ARID4A: variants seen among roughly 807,000 people sequenced by gnomAD.
ARID4A encodes AT-rich interactive domain-containing protein 4A.
ARID4A carries 39 observed loss-of-function variants against 148.6 expected under a neutral mutation model. The observed-to-expected ratio is 0.26, with a 90% CI of 0.20 to 0.34. The LOEUF is 0.34. Among genes scored for constraint, ARID4A ranks in the 10% least tolerant of loss-of-function variants. The pLI is 1.00. For synonymous variants in ARID4A, 475 were observed against 481.2 expected (o/e 0.99, Z 0.17); for missense variants, 1,265 against 1,449.1 (o/e 0.87, Z 2.06).
At chr14:58,354,788 A>G (rs773880816) in intron 17 of ARID4A, among the ~76,000 whole-genome samples, 1 of 152,204 alleles carries the variant, frequency 6.6e-6, no homozygotes, top group Non-Finnish European at 1.5e-5. Flanking sequence ...CTTATCTAGA[A>G]GGAGAGACAG....
At chr14:58,369,614 CAAA>C (rs34289804) in intron 23 of ARID4A, among the ~76,000 whole-genome samples, 1 of 106,928 alleles carries the variant, frequency 9.4e-6, no homozygotes, top group African/African-American at 3.8e-5. Context: ...GAGTCTGTCT[CAAA>C]AAAAAAAAAA....
chr14:58,320,849 T>C (rs2032839144), intron 7 of ARID4A, among the ~76,000 whole-genome samples: 1 of 151,982 alleles, frequency 6.6e-6, no homozygotes, highest in African/African-American at 2.4e-5. Flanking sequence ...CCTCGTGATC[T>C]GCCCGCCTCG....
intron 12 of ARID4A, among the ~76,000 whole-genome samples, chr14:58,345,028 A>T (rs960820218): frequency 6.6e-6 from 1 of 151,986 alleles, no homozygotes; most frequent in Non-Finnish European, 1.5e-5. Context: ...ACGTGCCACC[A>T]TACCCAGCTA....
chr14:58,367,667 C>G (rs983798219), intron 23 of ARID4A, among the ~76,000 whole-genome samples: 19 of 152,304 alleles, frequency 1.2e-4, no homozygotes, highest in Middle Eastern at 3.4e-3. Context: ...TGAGCTAGCC[C>G]TTCGGGGGTT....
chr14:58,304,333 C>T (rs1465807081), intron 3 of ARID4A, among the ~76,000 whole-genome samples: 3 of 152,092 alleles, frequency 2.0e-5, no homozygotes, highest in African/African-American at 7.2e-5. Context: ...AAAATTAATA[C>T]AATGATTGTT....
intron 11 of ARID4A, among the ~76,000 whole-genome samples, chr14:58,343,798 C>T (rs532295067): frequency 2.0e-5 from 3 of 151,800 alleles, no homozygotes; most frequent in Admixed American, 2.0e-4. Context: ...CCATTACACT[C>T]CAGCCTAGGC....
At chr14:58,321,930 G>A (rs1262523275) in intron 7 of ARID4A, among the ~76,000 whole-genome samples, 1 of 149,844 alleles carries the variant, frequency 6.7e-6, no homozygotes, top group Non-Finnish European at 1.5e-5. Flanking sequence ...ATAATGTATA[G>A]AATTTTCTTT....
intron 7 of ARID4A, 57 bp from the exon 8 acceptor site, chr14:58,323,428 C>T: frequency 1.3e-6 from 2 of 1,562,282 alleles, no homozygotes; most frequent in Non-Finnish European, 1.8e-6. Context: ...ATTCACAATA[C>T]TCTGTATCAA....
intron 14 of ARID4A, 109 bp downstream of exon 14, chr14:58,347,226 T>G: frequency 1.7e-6 from 1 of 584,880 alleles, no homozygotes. Context: ...TTAGAGAAAG[T>G]ATATAAAAAG....
At chr14:58,348,647 G>C (rs2140236881) in intron 15 of ARID4A, among the ~76,000 whole-genome samples, 1 of 152,196 alleles carries the variant, frequency 6.6e-6, no homozygotes, top group Non-Finnish European at 1.5e-5. Context: ...GAAAGAGAAA[G>C]GAATTTACCA....
rs1230813449 is a variant in ARID4A, at chr14:58,347,088, T to C, written c.1143T>C (p.Ala381=). The C allele has an allele frequency of 1.4e-5, 22 of 1,585,214 alleles. No individual in the cohort carries two copies. Among genetic ancestry groups the C allele is most frequent in the Non-Finnish European group, 1.8e-5 (21 of 1,165,396 alleles). Residue 381 remains alanine (A), a synonymous_variant, in exon 14 of 24, where the codon GCT becomes GCC. Coordinates refer to ENST00000355431, the MANE Select transcript of ARID4A (RefSeq NM_002892.4). ...DLGIPILNSA[A]SYNVKTAYRK... Reference sequence around the variant, plus strand: ...GCATTCCTATTTTGAATTCAGCTGCTTCCTACAATGTAAAAACTGCTTATA... The same window carrying C: ...GCATTCCTATTTTGAATTCAGCTGCCTCCTACAATGTAAAAACTGCTTATA...
At chr14:58,348,199 T>C (rs1291873355) in intron 15 of ARID4A, among the ~76,000 whole-genome samples, 1 of 152,184 alleles carries the variant, frequency 6.6e-6, no homozygotes, top group African/African-American at 2.4e-5. Context: ...GTAACCTGCC[T>C]CCTCTCTTTG....
At chr14:58,358,790 C>G (rs1367773163) in intron 17 of ARID4A, among the ~76,000 whole-genome samples, 1 of 152,188 alleles carries the variant, frequency 6.6e-6, no homozygotes, top group Non-Finnish European at 1.5e-5. Context: ...AGCACGAATT[C>G]TATTGCAGAT....
chr14:58,338,298 A>C (rs944892428), intron 11 of ARID4A, among the ~76,000 whole-genome samples: 6 of 152,172 alleles, frequency 3.9e-5, no homozygotes, highest in Non-Finnish European at 7.3e-5. Flanking sequence ...CATTTTTAAA[A>C]AATCACACTA....
Position 58,365,049 on chromosome 14 carries a change from C to T in ARID4A, c.2960C>T (p.Ser987Phe). Residue 987 changes from serine to phenylalanine, a missense_variant, in exon 20 of 24, where the codon TCT becomes TTT. Physicochemically the swap from Ser to Phe is radical, Grantham distance 155. Around this residue, in one of 9 missense-constraint regions of ARID4A, gnomAD observed 666 missense variants for 730.9 expected, o/e 0.91. Coordinates refer to ENST00000355431, the MANE Select transcript of ARID4A (RefSeq NM_002892.4). Reference protein sequence around the residue: ...DVAVESSESNSLVSIPPALPP... With the variant: ...DVAVESSESNFLVSIPPALPP... ...GCAGTTGAAAGCTCTGAGTCTAACT[C>T]TCTTGTTTCTATTCCACCTGCCCTA... The T allele has an allele frequency of 6.2e-7, 1 of 1,614,146 alleles. No homozygotes were observed.
In ARID4A at chr14:58,360,987, C is replaced by T. The variant is rs147684771; in HGVS notation, c.2025C>T (p.Leu675=). 1.2e-4 allele frequency: 198 copies of T among 1,614,112 alleles called. 1 individual carries two copies. In the African/African-American group the frequency reaches 2.3e-3, roughly 19 times the overall value. ...KRGRPPLKST[L]SSNMPYGLSK... is the part of the protein sequence containing the mutation. ...GACGACCTCCTTTAAAATCAACCCT[C>T]TCATCAAACATGCCGTATGGCTTAT... Residue 675 remains leucine (L), a synonymous_variant, in exon 19 of 24, where the codon CTC becomes CTT. Transcript: ENST00000355431.
At chr14:58,332,106 T>C (rs759397630) in intron 11 of ARID4A, among the ~76,000 whole-genome samples, 3 of 151,710 alleles carry the variant, frequency 2.0e-5, no homozygotes, top group Non-Finnish European at 4.4e-5. Context: ...AGTGCTCTTA[T>C]TACAATGATT....
intron 8 of ARID4A, among the ~76,000 whole-genome samples, chr14:58,324,095 A>T (rs183200578): frequency 6.6e-6 from 1 of 151,662 alleles, no homozygotes; most frequent in African/African-American, 2.4e-5. Flanking sequence ...TAGTAGAGAC[A>T]GGGTTTCACC....
intron 7 of ARID4A, among the ~76,000 whole-genome samples, chr14:58,319,474 A>G (rs2032703371): frequency 6.9e-6 from 1 of 145,786 alleles, no homozygotes; most frequent in African/African-American, 2.5e-5. Context: ...AAACTTAAAG[A>G]TTGCAAGAAT....
Sources: allele counts gnomAD v4.1 joint callset (sites outside exome capture counted in the v4.1 genomes callset), GRCh38; gene constraint gnomAD v4.1.1; regional missense constraint gnomAD v4.1.1; transcripts MANE v1.5; gene names NCBI Gene and HGNC (gene_info 2026-07-23, HGNC 2026-07-21).